PLXNB3: variants seen among roughly 807,000 people sequenced by gnomAD.
PLXNB3 encodes the protein plexin B3, also known as plexin-B3.
In PLXNB3, 80 loss-of-function variants were observed where a neutral mutation model predicts 125.7. The ratio of observed to expected loss-of-function variants is 0.64; its 90% CI spans 0.53 to 0.77. The LOEUF (loss-of-function observed/expected upper bound fraction) is 0.77, where lower values mean the gene tolerates loss of function less well. Among genes scored for constraint, PLXNB3 ranks in the 30% least tolerant of loss-of-function variants. The pLI, the probability that PLXNB3 is intolerant of heterozygous loss-of-function variation, is 0.00. For missense variants in PLXNB3, 1,836 were observed against 1,729.3 expected, an observed-to-expected ratio of 1.06 and a Z score of -1.09; for synonymous variants, 954 against 783.3, an observed-to-expected ratio of 1.22 and a Z score of -3.64.
intron 26 of PLXNB3, 81 bp from the exon 27 acceptor site, chrX:153,775,806 G>T: frequency 9.0e-7 from 1 of 1,113,626 alleles, no homozygotes. Context: ...CCTCTCCGGG[G>T]CTGGAGACGA....
At chrX:153,770,703 C>G (rs183330902) in intron 10 of PLXNB3, 55 bp from the exon 11 acceptor site, 2 of 1,206,332 alleles carry the variant, frequency 1.7e-6, no homozygotes, top group Admixed American at 2.2e-5. Context: ...TTCCCAGACC[C>G]GCCCAGCAGT....
In PLXNB3 at chrX:153,774,525, G is replaced by A. The variant is rs781886576; in HGVS notation, c.3784G>A (p.Ala1262Thr). ...GGCCCAGGCAGGCGTGGGCATGGGT[G>A]CTGCAGTGCTGATTGCCGCCGTGCT... The part of the protein sequence containing the change: ...VEAQAGVGMG[A>T]AVLIAAVLLL... The change falls in exon 22 of 36, where the codon GCT becomes ACT. Residue 1262 changes from alanine (A) to threonine (T), a missense_variant. By Grantham distance (58) the Ala-to-Thr change is moderately conservative. Coordinates refer to ENST00000361971, the MANE Select transcript of PLXNB3 (RefSeq NM_005393.3). 2.5e-6 allele frequency: 3 copies of A among 1,208,288 alleles called. No individual in the cohort carries two copies. In the East Asian group the frequency reaches 8.9e-5, roughly 36 times the overall value.
rs782820984 is a variant in PLXNB3, at chrX:153,774,024, C to T, written c.3445C>T (p.Arg1149Cys). 3 of 1,200,326 alleles carry T rather than the reference C, an allele frequency of 2.5e-6. No homozygotes were observed. The highest frequency in any genetic ancestry group is 3.0e-5 in the East Asian group (1 of 33,623). Residue 1149 changes from arginine to cysteine, a missense_variant, in exon 20 of 36, where the codon CGC becomes TGC. Transcript: ENST00000361971. The stretch of plus-strand genomic sequence containing the variant: ...GGGCTTCCTGTACCAGCCCAACCCC[C>T]GCCTGGCACCCCTCAGCCGCGAGGG... ...GQGFLYQPNPRLAPLSREGPA... is the reference protein window; with the variant it reads ...GQGFLYQPNPCLAPLSREGPA...
chrX:153,778,253 C>T lies in PLXNB3; in HGVS notation c.5410-8C>T, dbSNP rs1397822985. The T allele has an allele frequency of 5.0e-6, 6 of 1,197,019 alleles. No homozygotes were observed. In the African/African-American group the frequency reaches 8.8e-5, roughly 18 times the overall value. ...TCATGCCTAGCGCCTCCCCTCCCTCCGGAGCAGGATTCCCCAGTGAACAAA... is the reference window on the plus strand; with the variant it reads ...TCATGCCTAGCGCCTCCCCTCCCTCTGGAGCAGGATTCCCCAGTGAACAAA... On this transcript the variant is annotated splice_region_variant and splice_polypyrimidine_tract_variant and intron_variant, in intron 32 of 35. Transcript: ENST00000361971.
In PLXNB3 at chrX:153,767,022, A is replaced by C. The variant is rs2091866120; in HGVS notation, c.195A>C (p.Thr65=). Reference sequence around the variant, plus strand: ...TGGCACTGGCACCTGGCCGAGGCACACTCTATGTCGGCGCAGTGAACCGCC... The same window carrying C: ...TGGCACTGGCACCTGGCCGAGGCACCCTCTATGTCGGCGCAGTGAACCGCC... ...NHLALAPGRG[T]LYVGAVNRLF... The change falls in exon 3 of 36, where the codon ACA becomes ACC. Residue 65 remains threonine (T), a synonymous_variant. Coordinates refer to ENST00000361971, the MANE Select transcript of PLXNB3 (RefSeq NM_005393.3). 2 of 1,208,570 alleles carry C rather than the reference A, an allele frequency of 1.7e-6. No individual in the cohort carries two copies. Among genetic ancestry groups the C allele is most frequent in the South Asian group, 3.5e-5 (2 of 56,838 alleles).
intron 6 of PLXNB3, 51 bp from the exon 7 acceptor site, chrX:153,769,733 CCCCAGGCCCCTGTTGCCGGTCAT>C (rs1557060862): frequency 9.2e-7 from 1 of 1,089,826 alleles, no homozygotes; most frequent in Non-Finnish European, 1.2e-6. Context: ...GGGCCGGCCT[CCCCAGGCCCCTGTTGCCGGTCAT>C]CCTTGGAGTC....
chrX:153,766,215 A>G, intron 2 of PLXNB3: 1 of 1,158,568 alleles, frequency 8.6e-7, no homozygotes, highest in South Asian at 1.9e-5. Flanking sequence ...GCCAGCATGG[A>G]GCTCACCCCT....
At chrX:153,775,484 C>A in intron 25 of PLXNB3, 81 bp downstream of exon 25, 1 of 1,150,977 alleles carries the variant, frequency 8.7e-7, no homozygotes, top group Non-Finnish European at 1.2e-6. Flanking sequence ...CGGGCTCTGT[C>A]CAGGGGCGGG....
In PLXNB3 at chrX:153,772,880, C is replaced by T. The variant is rs1212629044; in HGVS notation, c.2776-6C>T. ...CCGTGCCTACCCAGCCTGCGCTGTT[C>T]GCCAGGACCCTGTCCTGCTGAGCCT... is the stretch of plus-strand genomic sequence containing the variant. On this transcript the variant is annotated splice_polypyrimidine_tract_variant and splice_region_variant and intron_variant, in intron 16 of 35. Coordinates refer to ENST00000361971, the MANE Select transcript of PLXNB3 (RefSeq NM_005393.3). The T allele has an allele frequency of 4.5e-6, 5 of 1,118,377 alleles. No individual in the cohort carries two copies. Among genetic ancestry groups the T allele is most frequent in the Admixed American group, 3.4e-5 (1 of 29,453 alleles). 92.2% of individuals were successfully genotyped at this position (1,118,377 alleles called of 1,213,427 possible).
chrX:153,771,151 T>C (rs1255828450), intron 12 of PLXNB3, 70 bp downstream of exon 12: 3 of 1,005,326 alleles, frequency 3.0e-6, no homozygotes, highest in Non-Finnish European at 4.2e-6. Context: ...GCCATCTTTG[T>C]GGAGAGCCTG....
intron 4 of PLXNB3, 77 bp from the exon 5 acceptor site, chrX:153,768,871 A>G (rs1332192941): frequency 3.6e-6 from 4 of 1,108,814 alleles, no homozygotes; most frequent in African/African-American, 3.7e-5. Flanking sequence ...AGGAGCCCCC[A>G]CTAGGAGGAG....
chrX:153,773,118 C>T lies in PLXNB3; in HGVS notation c.2906+102C>T, dbSNP rs781793373. On this transcript the variant is annotated intron_variant, in intron 17 of 35. Transcript: ENST00000361971. ...GGTTGCTGTGGCCACCCCCAGTGGT[C>T]CCTGCCCTTGTCAAGGCAGGCAAAG... The T allele has an allele frequency of 2.5e-3, 2,682 of 1,077,302 alleles. 7 individuals carry two copies. The highest frequency in any genetic ancestry group is 3.0e-3 in the Non-Finnish European group (2,398 of 808,838). 88.8% of individuals were successfully genotyped at this position (1,077,302 alleles called of 1,213,427 possible). A position where few individuals can be genotyped will look rare whatever the true frequency, so the allele number is the denominator to read the frequency against.
Position 153,777,235 on chromosome X carries a change from AG to A in PLXNB3, c.4963del (p.Val1655CysfsTer7), listed in dbSNP as rs782076287. The A allele has an allele frequency of 5.3e-5, 61 of 1,160,115 alleles. No homozygotes were observed. Among genetic ancestry groups the A allele is most frequent in the Admixed American group, 1.0e-4 (4 of 39,924 alleles). ...ATACCCACGCTGGAGGATGGCGAGG[AG>A]GGGGGGGTGTGCCTCTGGCACCTGG... ...ENIPTLEDGE[E>X]GGVCLWHLVK... On this transcript the variant is annotated frameshift_variant, in exon 30 of 36. Transcript: ENST00000361971. LOFTEE classifies it high-confidence loss of function.
intron 6 of PLXNB3, 65 bp from the exon 7 acceptor site, chrX:153,769,714 ACTCCAGCTGGGCCGGCCTCCCCAGGCCC>A: frequency 1.1e-6 from 1 of 948,198 alleles, no homozygotes; most frequent in Non-Finnish European, 1.4e-6. Flanking sequence ...ACCCCACTGC[ACTCCAGCTGGGCCGGCCTCCCCAGGCCC>A]CTGTTGCCGG....
chrX:153,777,524 G>A lies in PLXNB3; in HGVS notation c.5101-4G>A, dbSNP rs782404774. 7 of 1,209,644 alleles carry A rather than the reference G, an allele frequency of 5.8e-6. No individual in the cohort carries two copies. The East Asian group carries it at 1.2e-4, about 20-fold the overall frequency. Reference sequence around the variant, plus strand: ...CCACACAGCCCTTATCCCCTGCCTCGCAGGGCACGCTGCAGAAGTTTGTGG... The same window carrying A: ...CCACACAGCCCTTATCCCCTGCCTCACAGGGCACGCTGCAGAAGTTTGTGG... On this transcript the variant is annotated splice_region_variant and splice_polypyrimidine_tract_variant and intron_variant, in intron 30 of 35. Coordinates refer to ENST00000361971, the MANE Select transcript of PLXNB3 (RefSeq NM_005393.3).
chrX:153,768,555 A>T (rs2091885840), intron 4 of PLXNB3, 127 bp downstream of exon 4: 2 of 618,498 alleles, frequency 3.2e-6, no homozygotes, highest in Non-Finnish European at 2.5e-6. Context: ...CCACACAGTG[A>T]CTGCTGGCTG....
rs782679643 is a variant in PLXNB3 at position 153,769,048 on chromosome X, G to A, written c.1367G>A (p.Ser456Asn). The A allele has an allele frequency of 5.0e-6, 6 of 1,210,212 alleles. No homozygotes were observed. The highest frequency in any genetic ancestry group is 6.7e-6 in the Non-Finnish European group (6 of 894,917). Residue 456 changes from serine to asparagine, a missense_variant, in exon 5 of 36, where the codon AGT becomes AAT. By Grantham distance (46) the Ser-to-Asn change is conservative (BLOSUM62 1). Transcript: ENST00000361971. ...GACCTGCTGCTGGACAGCAGTGGCA[G>A]TCACCTCTATGTCCTGACTGCCCAC... ...SPDLLLDSSG[S>N]HLYVLTAHQV...
chrX:153,774,588 C>G lies in PLXNB3; in HGVS notation c.3830+17C>G. 1.7e-6 allele frequency: 2 copies of G among 1,182,849 alleles called. No individual in the cohort carries two copies. On this transcript the variant is annotated intron_variant, in intron 22 of 35. Transcript: ENST00000361971. ...CATGTACAGGTGAGACCCGCCCACCCCCAGCACACTTCCCTCCTCGCCATT... is the reference window on the plus strand; with the variant it reads ...CATGTACAGGTGAGACCCGCCCACCGCCAGCACACTTCCCTCCTCGCCATT...
chrX:153,777,812 C>T lies in PLXNB3; in HGVS notation c.5261+124C>T, dbSNP rs782557838. On this transcript the variant is annotated intron_variant, in intron 31 of 35. Coordinates refer to ENST00000361971, the MANE Select transcript of PLXNB3 (RefSeq NM_005393.3). ...TGGAACTTACAGGAAGATCTAGGGC[C>T]CAGGTCACCTAGGCCACCAGGCCAG... 14 of 1,067,313 alleles carry T rather than the reference C, an allele frequency of 1.3e-5. No homozygotes were observed. In the African/African-American group the frequency reaches 2.2e-4, roughly 17 times the overall value. The allele number at this position is 1,067,313 out of a possible 1,213,427, so 88.0% of individuals were successfully genotyped here.
Sources: allele counts gnomAD v4.1 joint callset, GRCh38; gene constraint gnomAD v4.1.1; transcripts MANE v1.5; gene names NCBI Gene and HGNC (gene_info 2026-07-23, HGNC 2026-07-21).